The following SPTB variants were observed in gnomAD, a reference collection of about 807,000 sequenced individuals.
SPTB encodes the protein spectrin beta chain, erythrocytic.
Under a neutral mutation model 256.2 loss-of-function variants are expected in SPTB, and 45 were observed. The ratio of observed to expected loss-of-function variants is 0.18; its 90% CI spans 0.14 to 0.23. The LOEUF is 0.23. Among genes scored for constraint, SPTB ranks in the 10% least tolerant of loss-of-function variants. SPTB has a pLI of 1.00. For synonymous variants in SPTB, 1,231 were observed against 1,243.1 expected (o/e 0.99, Z 0.21); for missense variants, 2,715 against 3,040.4 (o/e 0.89, Z 2.52).
intron 32 of SPTB, among the ~76,000 whole-genome samples, chr14:64,765,450 A>C (rs2082155889): frequency 6.6e-6 from 1 of 152,052 alleles, no homozygotes; most frequent in Non-Finnish European, 1.5e-5. Flanking sequence ...GGCCTGCTCC[A>C]GGTAAGGTCC....
At chr14:64,861,440 C>T (rs1483289558) in intron 1 of SPTB, among the ~76,000 whole-genome samples, 2 of 152,122 alleles carry the variant, frequency 1.3e-5, no homozygotes, top group Non-Finnish European at 2.9e-5. Flanking sequence ...TGACAGGGCT[C>T]GGCAAGTGTT....
chr14:64,779,652 G>A lies in SPTB; in HGVS notation c.4473+73C>T. On this transcript the variant is annotated intron_variant, in intron 21 of 35. Coordinates refer to ENST00000644917, the MANE Select transcript of SPTB (RefSeq NM_001355436.2). This position sits in a 1 kb window ranked among gnomAD's most constrained non-coding sequence, Gnocchi z 4.2. ...CATCTACTGCCAAAAATTGCTCTGGGTGGCAGCCAGCTACTCTGATGGCAG... is the reference window on the plus strand; with the variant it reads ...CATCTACTGCCAAAAATTGCTCTGGATGGCAGCCAGCTACTCTGATGGCAG... The A allele has an allele frequency of 1.3e-6, 2 of 1,575,532 alleles. No homozygotes were observed. The highest frequency in any genetic ancestry group is 1.7e-6 in the Non-Finnish European group (2 of 1,146,594).
intron 20 of SPTB, among the ~76,000 whole-genome samples, chr14:64,780,635 ACTC>A (rs761684896): frequency 6.6e-6 from 1 of 152,116 alleles, no homozygotes; most frequent in African/African-American, 2.4e-5. Context: ...CTGGTCTCGA[ACTC>A]CTGACCTCAG....
intron 22 of SPTB, among the ~76,000 whole-genome samples, chr14:64,776,218 C>T (rs556928320): frequency 5.7e-4 from 87 of 152,316 alleles, no homozygotes; most frequent in Admixed American, 3.1e-3. Context: ...GGGGCAAGAG[C>T]AGCCCACATG....
chr14:64,779,373 G>A lies in SPTB; in HGVS notation c.4474-127C>T. 3 of 807,752 alleles carry A rather than the reference G, an allele frequency of 3.7e-6. No individual in the cohort carries two copies. The highest frequency in any genetic ancestry group is 6.3e-6 in the Non-Finnish European group (3 of 476,254). The allele number at this position is 807,752 out of a possible 1,614,324, so 50.0% of individuals were successfully genotyped here. ...CAGTTCCTCCCAACACCCCATCAGG[G>A]TTTTGCCCCCATTTTATAGGTTAGA... is the stretch of plus-strand genomic sequence containing the variant. On this transcript the variant is annotated intron_variant, in intron 21 of 35. Transcript: ENST00000644917. The surrounding 1 kb of genome is among the most constrained non-coding windows in gnomAD (Gnocchi z 4.2).
rs1037927198 is a variant in SPTB, at chr14:64,812,732, C to G, written c.149-7642G>C. ...CTGGGAAGTTCACCATCAAAAGTCC[C>G]TAGTGGGGCTGTTTTAAAAATAGGA... On this transcript the variant is annotated intron_variant, in intron 2 of 35. Transcript: ENST00000644917. 4.6e-5 allele frequency among the ~76,000 whole-genome samples: 7 copies of G among 152,242 alleles called. No individual in the cohort carries two copies. The East Asian group carries it at 1.4e-3, about 29-fold the overall frequency.
At chr14:64,801,160 CT>C in intron 7 of SPTB, 124 bp downstream of exon 7, 1 of 801,720 alleles carries the variant, frequency 1.2e-6, no homozygotes, top group Non-Finnish European at 2.0e-6. Context: ...CTGCCCCTCA[CT>C]GTGCCCACAG....
chr14:64,843,555 G>A (rs2083641245), intron 1 of SPTB, among the ~76,000 whole-genome samples: 1 of 151,980 alleles, frequency 6.6e-6, no homozygotes, highest in Non-Finnish European at 1.5e-5. Flanking sequence ...CAGCTCCCTT[G>A]TTTCCATCAC....
At chr14:64,768,738 C>A (rs2082231680) in intron 29 of SPTB, among the ~76,000 whole-genome samples, 1 of 152,008 alleles carries the variant, frequency 6.6e-6, no homozygotes, top group Admixed American at 6.5e-5. Context: ...CTCCCCCAGG[C>A]CATAGCTCTG....
At position 64,749,285 on chromosome 14, in the gene SPTB, C is replaced by T. The variant is rs757432912; in HGVS notation, c.*21G>A. ...CGGTCTCTGCGCGTCCCGACTCCGC[C>T]GCGCCCGCCAGCCCCACCTGCTACT... On this transcript the variant is annotated 3_prime_UTR_variant, in exon 36 of 36. Coordinates refer to ENST00000644917, the MANE Select transcript of SPTB (RefSeq NM_001355436.2). The surrounding 1 kb of genome is among the most constrained non-coding windows in gnomAD (Gnocchi z 4.7). 21 of 1,561,958 alleles carry T rather than the reference C, an allele frequency of 1.3e-5. No individual in the cohort carries two copies. The highest frequency in any genetic ancestry group is 2.3e-5 in the South Asian group (2 of 86,296).
chr14:64,859,797 T>C (rs1466442733), intron 1 of SPTB, among the ~76,000 whole-genome samples: 4 of 152,122 alleles, frequency 2.6e-5, no homozygotes, highest in Non-Finnish European at 5.9e-5. Context: ...TTATGGTCCA[T>C]GATTATCTGA....
chr14:64,769,395 A>G (rs1053329208), intron 28 of SPTB, among the ~76,000 whole-genome samples, 195 bp downstream of exon 28: 3 of 152,172 alleles, frequency 2.0e-5, no homozygotes, highest in Non-Finnish European at 2.9e-5. Flanking sequence ...CTGAGTGGCC[A>G]GCTCCTTAAG....
chr14:64,876,860 T>A (rs888206879), intron 1 of SPTB, among the ~76,000 whole-genome samples: 1 of 152,208 alleles, frequency 6.6e-6, no homozygotes, highest in African/African-American at 2.4e-5. Flanking sequence ...CTTCAGGAAG[T>A]AAACCATATT....
At chr14:64,872,874 A>G (rs1882619886) in intron 1 of SPTB, among the ~76,000 whole-genome samples, 1 of 152,218 alleles carries the variant, frequency 6.6e-6, no homozygotes, top group Non-Finnish European at 1.5e-5. Flanking sequence ...GCCACCATGT[A>G]TGACATGCCT....
chr14:64,839,038 C>A (rs1020568296), intron 1 of SPTB, among the ~76,000 whole-genome samples: 1 of 151,518 alleles, frequency 6.6e-6, no homozygotes, highest in Admixed American at 6.6e-5. Context: ...GAGGCTGAGG[C>A]GGAGAATTGC....
rs998023144 is a variant in SPTB at position 64,767,884 on chromosome 14, C to A, written c.6023-25G>T. 3.1e-6 allele frequency: 5 copies of A among 1,611,618 alleles called. No homozygotes were observed. The Admixed American group carries it at 6.7e-5, about 22-fold the overall frequency. On this transcript the variant is annotated intron_variant, in intron 29 of 35. Transcript: ENST00000644917. ...ACTGCCAGGGGGAACAGGACACAGACCCCCCACAAGGCCCAGGGCCTGTTA... is the reference window on the plus strand; with the variant it reads ...ACTGCCAGGGGGAACAGGACACAGAACCCCCACAAGGCCCAGGGCCTGTTA...
rs143452875 is a variant in SPTB at position 64,807,039 on chromosome 14, G to A, written c.149-1949C>T. 2.4e-4 allele frequency among the ~76,000 whole-genome samples: 37 copies of A among 152,344 alleles called. No individual in the cohort carries two copies. Among genetic ancestry groups the A allele is most frequent in the African/African-American group, 8.4e-4 (35 of 41,572 alleles). ...GAAATGTAACTAAAGGGAGTTTGATGCCATACTGGACGGAAAGCAATTGCA... is the reference window on the plus strand; with the variant it reads ...GAAATGTAACTAAAGGGAGTTTGATACCATACTGGACGGAAAGCAATTGCA... On this transcript the variant is annotated intron_variant, in intron 2 of 35. Transcript: ENST00000644917. The surrounding 1 kb of genome is among the most constrained non-coding windows in gnomAD (Gnocchi z 4.7).
At chr14:64,780,893 C>T (rs2082458295) in intron 20 of SPTB, among the ~76,000 whole-genome samples, 1 of 152,088 alleles carries the variant, frequency 6.6e-6, no homozygotes, top group Non-Finnish European at 1.5e-5. Flanking sequence ...ACCAATGGAA[C>T]AGAGTAGAGA....
Position 64,816,571 on chromosome 14 carries a change from T to A in SPTB, c.148+6376A>T, listed in dbSNP as rs777412697. Among the ~76,000 whole-genome samples, 7 of 152,168 alleles carry A rather than the reference T, an allele frequency of 4.6e-5. No individual in the cohort carries two copies. The highest frequency in any genetic ancestry group is 8.8e-5 in the Non-Finnish European group (6 of 68,032). On this transcript the variant is annotated intron_variant, in intron 2 of 35. Coordinates refer to ENST00000644917, the MANE Select transcript of SPTB (RefSeq NM_001355436.2). This position sits in a 1 kb window ranked among gnomAD's most constrained non-coding sequence, Gnocchi z 4.2. ...TTTGTCATAATTTGCTATGCACGTG[T>A]GTCTATGCACATAGACACGTGTGGG...
Sources: allele counts gnomAD v4.1 joint callset (sites outside exome capture counted in the v4.1 genomes callset), GRCh38; gene constraint gnomAD v4.1.1; non-coding constraint Gnocchi (gnomAD v3.1); transcripts MANE v1.5; gene names NCBI Gene and HGNC (gene_info 2026-07-23, HGNC 2026-07-21).